The following CHRDL2 variants were observed in gnomAD, a reference collection of about 807,000 sequenced individuals.
CHRDL2 encodes chordin-like protein 2.
CHRDL2 carries 41 observed loss-of-function variants against 54.3 expected under a neutral mutation model. That is an observed-to-expected ratio of 0.76 (90% CI 0.59 to 0.98). The LOEUF (loss-of-function observed/expected upper bound fraction) is 0.98. Ranked by LOEUF, CHRDL2 falls within the 50% of genes least tolerant of loss-of-function variation. CHRDL2 has a pLI of 0.00. For synonymous variants in CHRDL2, 220 were observed against 224.3 expected (o/e 0.98, Z 0.17); for missense variants, 518 against 562.4 (o/e 0.92, Z 0.80).
intron 1 of CHRDL2, among the ~76,000 whole-genome samples, chr11:74,726,040 C>T (rs186768367): frequency 2.1e-4 from 32 of 152,244 alleles, no homozygotes; most frequent in Non-Finnish European, 4.4e-4. Flanking sequence ...CTGTGCAACC[C>T]GGAGAAAGGA....
chr11:74,718,331 C>A (rs186384802), intron 2 of CHRDL2, among the ~76,000 whole-genome samples: 1 of 152,272 alleles, frequency 6.6e-6, no homozygotes, highest in East Asian at 1.9e-4. Context: ...GGGAACACAT[C>A]CTAAGGCAGG....
At chr11:74,709,122 G>A (rs1332282369) in intron 4 of CHRDL2, among the ~76,000 whole-genome samples, 1 of 152,204 alleles carries the variant, frequency 6.6e-6, no homozygotes, top group Non-Finnish European at 1.5e-5. Context: ...GGTCCCTCGG[G>A]TGAGGCCAGA....
At chr11:74,697,371 T>C in intron 9 of CHRDL2, 74 bp from the exon 10 acceptor site, 1 of 1,108,656 alleles carries the variant, frequency 9.0e-7, no homozygotes, top group Non-Finnish European at 1.4e-6. Context: ...CAGGGTGACT[T>C]AGCACAGAAC....
At chr11:74,708,473 T>C in intron 4 of CHRDL2, 78 bp from the exon 5 acceptor site, 1 of 1,070,830 alleles carries the variant, frequency 9.3e-7, no homozygotes, top group Non-Finnish European at 1.3e-6. Flanking sequence ...CCCCCTTCCC[T>C]GGGAGCAAAT....
At position 74,698,719 on chromosome 11, in the gene CHRDL2, A is replaced by ACC. The variant is rs1225255395; in HGVS notation, c.1121-1423_1121-1422insGG. ...CACACACACACACACACACACACACACACCCCACATACCCAGTCTAGGCCA... is the reference window on the plus strand; with the variant it reads ...CACACACACACACACACACACACACACCCACCCCACATACCCAGTCTAGGCCA... On this transcript the variant is annotated intron_variant, in intron 9 of 10. Coordinates refer to ENST00000376332, the MANE Select transcript of CHRDL2 (RefSeq NM_001278473.3). 6.0e-4 allele frequency: 52 copies of ACC among 86,282 alleles called. 1 individual carries two copies. Among genetic ancestry groups the ACC allele is most frequent in the Non-Finnish European group, 8.9e-4 (31 of 34,858 alleles). 5.3% of individuals were successfully genotyped at this position (86,282 alleles called of 1,614,324 possible). A position where few individuals can be genotyped will look rare whatever the true frequency, so the allele number is the denominator to read the frequency against.
intron 9 of CHRDL2, among the ~76,000 whole-genome samples, chr11:74,700,474 A>G (rs2033764258): frequency 6.6e-6 from 1 of 152,196 alleles, no homozygotes; most frequent in East Asian, 1.9e-4. Flanking sequence ...AATAAGCTCC[A>G]CTGCACCCAG....
chr11:74,710,725 C>T, intron 4 of CHRDL2, 124 bp downstream of exon 4: 1 of 1,290,610 alleles, frequency 7.7e-7, no homozygotes, highest in Non-Finnish European at 1.0e-6. Flanking sequence ...ATTCCCTTTC[C>T]CCTGAGCCCA....
chr11:74,697,120 G>T, intron 10 of CHRDL2, 85 bp downstream of exon 10: 1 of 1,056,676 alleles, frequency 9.5e-7, no homozygotes. Context: ...CCCGGCACCA[G>T]CAGCCTGGGA....
chr11:74,725,740 C>CA, intron 1 of CHRDL2, among the ~76,000 whole-genome samples: 3 of 152,278 alleles, frequency 2.0e-5, no homozygotes, highest in Admixed American at 2.0e-4. Context: ...GAAAGGGCAT[C>CA]AGGAGGGGCC....
In CHRDL2 at chr11:74,702,646, T is replaced by G. The variant is rs1179276573; in HGVS notation, c.1120+148A>C. 24 of 715,884 alleles carry G rather than the reference T, an allele frequency of 3.4e-5. No individual in the cohort carries two copies. The East Asian group carries it at 6.1e-4, about 18-fold the overall frequency. 44.3% of individuals were successfully genotyped at this position (715,884 alleles called of 1,614,324 possible). A position where few individuals can be genotyped will look rare whatever the true frequency, so the allele number is the denominator to read the frequency against. On this transcript the variant is annotated intron_variant, in intron 9 of 10. Coordinates refer to ENST00000376332, the MANE Select transcript of CHRDL2 (RefSeq NM_001278473.3). ...GAACCAGTCAGGCTCACTATCTTCC[T>G]GCATCTTGGAATCAGGGGCTCTTAA...
At position 74,704,546 on chromosome 11, in the gene CHRDL2, T is replaced by G; in HGVS notation, c.691A>C (p.Arg231=). The G allele has an allele frequency of 6.3e-7, 1 of 1,581,922 alleles. No homozygotes were observed. Among genetic ancestry groups the G allele is most frequent in the Non-Finnish European group, 8.6e-7 (1 of 1,167,790 alleles). Residue 231 remains arginine (R), a synonymous_variant, in exon 7 of 11, where the codon AGA becomes CGA. Coordinates refer to ENST00000376332, the MANE Select transcript of CHRDL2 (RefSeq NM_001278473.3). ...APLSFIPRHF[R]PKGAGSTTVK... is the part of the protein sequence containing the mutation. ...GTTGTGCTGCCTGCTCCCTTGGGTC[T>G]GAAGTGGCGAGGGATGAAGCTCAGA...
chr11:74,720,599 C>T (rs2034479880), intron 1 of CHRDL2, among the ~76,000 whole-genome samples: 1 of 131,666 alleles, frequency 7.6e-6, no homozygotes, highest in African/African-American at 2.5e-5. Flanking sequence ...GCCTCTCATG[C>T]CTCCTTCTCA....
chr11:74,718,384 G>A (rs569180209), intron 2 of CHRDL2, among the ~76,000 whole-genome samples: 29 of 152,260 alleles, frequency 1.9e-4, no homozygotes, highest in Non-Finnish European at 3.1e-4. Context: ...AGAAGGGAAT[G>A]GGAGATAAGG....
At chr11:74,704,851 A>T in intron 6 of CHRDL2, 197 bp from the exon 7 acceptor site, 1 of 592,612 alleles carries the variant, frequency 1.7e-6, no homozygotes. Flanking sequence ...ATCTTTGAAA[A>T]CTCTCAGAGG....
intron 2 of CHRDL2, among the ~76,000 whole-genome samples, chr11:74,718,368 G>A (rs1591366762): frequency 6.6e-6 from 1 of 152,180 alleles, no homozygotes; most frequent in Non-Finnish European, 1.5e-5. Context: ...GAAATAGTAC[G>A]TGAAAAGAAG....
chr11:74,700,552 G>A (rs1444387032), intron 9 of CHRDL2, among the ~76,000 whole-genome samples: 1 of 152,084 alleles, frequency 6.6e-6, no homozygotes, highest in Non-Finnish European at 1.5e-5. Flanking sequence ...TTAGTTGGGG[G>A]CAGCGGAGAG....
chr11:74,700,074 C>T (rs1347194120), intron 9 of CHRDL2, among the ~76,000 whole-genome samples: 2 of 152,254 alleles, frequency 1.3e-5, no homozygotes, highest in Non-Finnish European at 2.9e-5. Context: ...GTGGAGGTGG[C>T]ACTGGGGACA....
intron 4 of CHRDL2, among the ~76,000 whole-genome samples, chr11:74,708,882 G>T (rs1310309038): frequency 6.6e-6 from 1 of 152,212 alleles, no homozygotes; most frequent in Non-Finnish European, 1.5e-5. Context: ...AAGACTGCAG[G>T]GGAAGGGGCC....
At chr11:74,725,079 C>T (rs752728276) in intron 1 of CHRDL2, among the ~76,000 whole-genome samples, 7 of 152,022 alleles carry the variant, frequency 4.6e-5, no homozygotes, top group African/African-American at 1.5e-4. Context: ...CTGCAACCTC[C>T]GCCTCCCAGG....
Sources: allele counts gnomAD v4.1 joint callset (sites outside exome capture counted in the v4.1 genomes callset), GRCh38; gene constraint gnomAD v4.1.1; transcripts MANE v1.5; gene names NCBI Gene and HGNC (gene_info 2026-07-23, HGNC 2026-07-21).